ENOPH1: variants seen among roughly 807,000 people sequenced by gnomAD.
ENOPH1 encodes enolase-phosphatase 1, also known as enolase-phosphatase E1.
In ENOPH1, 14 loss-of-function variants were observed where a neutral mutation model predicts 31.1. The ratio of observed to expected loss-of-function variants is 0.45; its 90% CI spans 0.30 to 0.70. The LOEUF is 0.70. Among genes scored for constraint, ENOPH1 ranks in the 30% least tolerant of loss-of-function variants. ENOPH1 has a pLI of 0.09. For missense variants in ENOPH1, 243 were observed against 321.5 expected (o/e 0.76, Z 1.87); for synonymous variants, 127 against 123.2 (o/e 1.03, Z -0.21).
chr4:82,446,057 C>G (rs888236531), intron 1 of ENOPH1, among the ~76,000 whole-genome samples: 1 of 152,178 alleles, frequency 6.6e-6, no homozygotes, highest in Non-Finnish European at 1.5e-5. Flanking sequence ...GGGAACTTCT[C>G]TGCTATTATT....
chr4:82,437,352 C>T (rs942319456), intron 1 of ENOPH1, among the ~76,000 whole-genome samples: 2 of 152,168 alleles, frequency 1.3e-5, no homozygotes, highest in African/African-American at 4.8e-5. Context: ...TAATCAAAGT[C>T]CTCTGTAGTC....
At chr4:82,437,926 C>CT (rs1394650362) in intron 1 of ENOPH1, among the ~76,000 whole-genome samples, 2 of 152,112 alleles carry the variant, frequency 1.3e-5, no homozygotes, top group African/African-American at 4.8e-5. Context: ...AGGTGGTACT[C>CT]TATTATATTT....
chr4:82,430,676 C>T lies in ENOPH1; in HGVS notation c.-154C>T, dbSNP rs1251260095. On this transcript the variant is annotated 5_prime_UTR_variant, in exon 1 of 6. Coordinates refer to ENST00000273920, the MANE Select transcript of ENOPH1 (RefSeq NM_021204.5). ...AGTTCCAGGTGTGCAGAAGTGTCCT[C>T]TCCCCACGCGCGGCGGGCTGCACTT... The T allele has an allele frequency of 4.7e-6, 3 of 644,158 alleles. No individual in the cohort carries two copies. Among genetic ancestry groups the T allele is most frequent in the African/African-American group, 3.7e-5 (2 of 54,554 alleles). 39.9% of individuals were successfully genotyped at this position (644,158 alleles called of 1,614,324 possible).
intron 1 of ENOPH1, among the ~76,000 whole-genome samples, chr4:82,436,686 C>CA (rs35557585): frequency 0.13 from 14,219 of 110,730 alleles, 1,752 homozygotes; most frequent in African/African-American, 0.33. Flanking sequence ...GACCCTGTCT[C>CA]AAAAAAAAAA....
At chr4:82,443,071 G>C (rs72909822) in intron 1 of ENOPH1, among the ~76,000 whole-genome samples, 1 of 152,134 alleles carries the variant, frequency 6.6e-6, no homozygotes, top group Non-Finnish European at 1.5e-5. Context: ...CTCCCACAGT[G>C]CTGGGACTAC....
chr4:82,435,054 C>G lies in ENOPH1; in HGVS notation c.84+4141C>G, dbSNP rs72658963. Reference sequence around the variant, plus strand: ...CCCACCGCATCTAAATCCACCGCCACCATCCCTGCACTTTACCGCAGGACA... The same window carrying G: ...CCCACCGCATCTAAATCCACCGCCAGCATCCCTGCACTTTACCGCAGGACA... On this transcript the variant is annotated intron_variant, in intron 1 of 5. Coordinates refer to ENST00000273920, the MANE Select transcript of ENOPH1 (RefSeq NM_021204.5). 4.6e-5 allele frequency among the ~76,000 whole-genome samples: 7 copies of G among 152,154 alleles called. No homozygotes were observed. The South Asian group carries it at 1.5e-3, about 32-fold the overall frequency.
At position 82,441,582 on chromosome 4, in the gene ENOPH1, T is replaced by C. The variant is rs551137012; in HGVS notation, c.85-6338T>C. ...CCGGGAGGCAGAGCTTGCAGTGAGC[T>C]GAGATGGCGCCACTGCACTCCAGCC... is the stretch of plus-strand genomic sequence containing the variant. On this transcript the variant is annotated intron_variant, in intron 1 of 5. Coordinates refer to ENST00000273920, the MANE Select transcript of ENOPH1 (RefSeq NM_021204.5). Among the ~76,000 whole-genome samples the C allele has an allele frequency of 3.3e-5, 5 of 152,184 alleles. 1 individual carries two copies. The South Asian group carries it at 6.2e-4, about 19-fold the overall frequency.
intron 1 of ENOPH1, among the ~76,000 whole-genome samples, chr4:82,435,700 G>A (rs1210678531): frequency 6.6e-6 from 1 of 152,176 alleles, no homozygotes; most frequent in Non-Finnish European, 1.5e-5. Flanking sequence ...CCAGCATTGA[G>A]AAGTGTAGGA....
At chr4:82,443,550 AACC>A (rs1560464745) in intron 1 of ENOPH1, among the ~76,000 whole-genome samples, 1 of 150,970 alleles carries the variant, frequency 6.6e-6, no homozygotes, top group Non-Finnish European at 1.5e-5. Context: ...AACATGGTGA[AACC>A]CCGTCTCTAC....
chr4:82,455,208 T>G (rs1046346410), intron 4 of ENOPH1, among the ~76,000 whole-genome samples: 5 of 152,180 alleles, frequency 3.3e-5, no homozygotes, highest in Admixed American at 6.5e-5. Flanking sequence ...GAACCAGCAT[T>G]ATTATAGGAG....
chr4:82,437,506 C>T (rs972634928), intron 1 of ENOPH1, among the ~76,000 whole-genome samples: 1 of 152,136 alleles, frequency 6.6e-6, no homozygotes, highest in Admixed American at 6.5e-5. Context: ...AATGTCATAC[C>T]TTTTCGTCTC....
chr4:82,439,814 T>C (rs1373136547), intron 1 of ENOPH1, among the ~76,000 whole-genome samples: 1 of 152,128 alleles, frequency 6.6e-6, no homozygotes, highest in Middle Eastern at 3.2e-3. Context: ...GATTTGCTGA[T>C]GGATTGGTTG....
At chr4:82,452,868 G>A (rs892571581) in intron 3 of ENOPH1, among the ~76,000 whole-genome samples, 16 of 151,322 alleles carry the variant, frequency 1.1e-4, no homozygotes, top group Admixed American at 5.9e-4. Context: ...GATTACAGGC[G>A]TGAGCCACTG....
chr4:82,449,057 CAAAAAA>C (rs10604951), intron 2 of ENOPH1, among the ~76,000 whole-genome samples: 1 of 49,524 alleles, frequency 2.0e-5, no homozygotes, highest in Non-Finnish European at 3.6e-5. Flanking sequence ...GACTCCGTCT[CAAAAAA>C]AAAAAAAAAA....
At chr4:82,440,477 C>T (rs569657245) in intron 1 of ENOPH1, among the ~76,000 whole-genome samples, 2 of 152,312 alleles carry the variant, frequency 1.3e-5, no homozygotes, top group East Asian at 3.9e-4. Context: ...AGCGAAACCT[C>T]TTTGAACCTC....
intron 1 of ENOPH1, among the ~76,000 whole-genome samples, chr4:82,445,823 G>C (rs570492334): frequency 1.3e-5 from 2 of 152,178 alleles, no homozygotes; most frequent in African/African-American, 4.8e-5. Context: ...GTACAGTGGC[G>C]CATTTTATAG....
intron 3 of ENOPH1, among the ~76,000 whole-genome samples, chr4:82,452,610 A>G (rs1403469071): frequency 6.6e-6 from 1 of 151,450 alleles, no homozygotes; most frequent in African/African-American, 2.4e-5. Flanking sequence ...GTTTTTGGAG[A>G]TAGTCTCACT....
intron 1 of ENOPH1, among the ~76,000 whole-genome samples, chr4:82,439,473 C>T (rs1288176449): frequency 2.0e-5 from 3 of 152,136 alleles, no homozygotes; most frequent in East Asian, 1.9e-4. Context: ...GGGTCCAAGT[C>T]GTTGTAAGTT....
chr4:82,435,729 A>G (rs919053685), intron 1 of ENOPH1, among the ~76,000 whole-genome samples: 1 of 152,192 alleles, frequency 6.6e-6, no homozygotes, highest in Non-Finnish European at 1.5e-5. Context: ...CTGCCTGCAC[A>G]ATGAAACAGC....
Sources: gnomAD v4.1 joint callset for allele counts (sites outside exome capture counted in the v4.1 genomes callset) on GRCh38, gnomAD v4.1.1 for gene constraint, MANE v1.5 for transcripts, NCBI Gene and HGNC (gene_info 2026-07-23, HGNC 2026-07-21) for gene names.